CDK12: variants seen among roughly 807,000 people sequenced by gnomAD.
The protein encoded by CDK12 is cyclin-dependent kinase 12.
A neutral mutation model predicts 133.8 loss-of-function variants in CDK12; 17 were observed. That is an observed-to-expected ratio of 0.13 (90% CI 0.09 to 0.19). The LOEUF (loss-of-function observed/expected upper bound fraction) is 0.19, where lower values mean the gene tolerates loss of function less well. Ranked by LOEUF, CDK12 falls within the 10% of genes least tolerant of loss-of-function variation. The pLI is 1.00. For synonymous variants in CDK12, 694 were observed against 683.6 expected (o/e 1.02, Z -0.24); for missense variants, 1,508 against 1,818.7 (o/e 0.83, Z 3.11).
chr17:39,468,716 C>G (rs1233432324), intron 1 of CDK12, among the ~76,000 whole-genome samples: 7 of 152,026 alleles, frequency 4.6e-5, no homozygotes, highest in Non-Finnish European at 8.8e-5. Flanking sequence ...CTCAGGTAAT[C>G]CGCCTGCCTC....
chr17:39,481,280 A>T (rs931268646), intron 2 of CDK12, among the ~76,000 whole-genome samples: 4 of 151,382 alleles, frequency 2.6e-5, no homozygotes, highest in Non-Finnish European at 5.9e-5. Flanking sequence ...AAAAAAAAGA[A>T]ATTTCAGTTA....
downstream of CDK12, among the ~76,000 whole-genome samples, chr17:39,536,470 G>C (rs2055140624): frequency 6.6e-6 from 1 of 152,094 alleles, no homozygotes; most frequent in African/African-American, 2.4e-5. Context: ...AGATTATTTT[G>C]TACCCTGGCC....
At chr17:39,471,801 C>G in intron 2 of CDK12, 38 bp downstream of exon 2, 1 of 1,524,392 alleles carries the variant, frequency 6.6e-7, no homozygotes, top group Non-Finnish European at 8.9e-7. Context: ...CCCCCTTGAT[C>G]TAAACATAAA....
intron 6 of CDK12, among the ~76,000 whole-genome samples, chr17:39,508,591 G>T (rs2053281326): frequency 6.6e-6 from 1 of 151,990 alleles, no homozygotes; most frequent in African/African-American, 2.4e-5. Flanking sequence ...CTTAGGCGAT[G>T]GGTCAATAGG....
At chr17:39,555,240 G>A (rs1026206778) in intron 2 of CDK12, among the ~76,000 whole-genome samples, 2 of 152,172 alleles carry the variant, frequency 1.3e-5, no homozygotes, top group African/African-American at 4.8e-5. Context: ...GCAACAGAGC[G>A]AGACTCTGTC....
intron 5 of CDK12, 144 bp from the exon 6 acceptor site, chr17:39,501,106 G>T: frequency 3.7e-6 from 2 of 545,430 alleles, no homozygotes; most frequent in Non-Finnish European, 6.4e-6. Flanking sequence ...ACTACTCTTC[G>T]TTTCAGTTTC....
In CDK12 at chr17:39,495,389, T is replaced by G. The variant is rs1377856317; in HGVS notation, c.2419+695T>G. Among the ~76,000 whole-genome samples the G allele has an allele frequency of 3.1e-3, 421 of 135,770 alleles. 15 individuals carry two copies. Among genetic ancestry groups the G allele is most frequent in the African/African-American group, 9.5e-3 (357 of 37,526 alleles). The allele number at this position is 135,770 out of a possible 152,430, so 89.1% of individuals were successfully genotyped here. A position where few individuals can be genotyped will look rare whatever the true frequency, so the allele number is the denominator to read the frequency against. ...TACCATGACTGGCCTCATGTGTTTT[T>G]TTTTTTTTTTTTTTTTTTTTTTTTT... On this transcript the variant is annotated intron_variant, in intron 5 of 13. Coordinates refer to ENST00000447079, the MANE Select transcript of CDK12 (RefSeq NM_016507.4).
chr17:39,473,666 G>A (rs1298787015), intron 2 of CDK12, among the ~76,000 whole-genome samples: 2 of 152,062 alleles, frequency 1.3e-5, no homozygotes, highest in Admixed American at 6.6e-5. Context: ...CAAGGCGGGC[G>A]AATCATGAGG....
chr17:39,480,436 GT>G (rs778236035), intron 2 of CDK12, among the ~76,000 whole-genome samples: 4 of 150,168 alleles, frequency 2.7e-5, no homozygotes, highest in Admixed American at 6.7e-5. Flanking sequence ...TGCCCAGCTA[GT>G]TTTTTTTTTG....
intron 5 of CDK12, among the ~76,000 whole-genome samples, chr17:39,497,271 T>C (rs1439563509): frequency 6.6e-6 from 1 of 152,024 alleles, no homozygotes; most frequent in Non-Finnish European, 1.5e-5. Flanking sequence ...GGGCTAGGTG[T>C]GGTTGCTTAT....
intron 2 of CDK12, among the ~76,000 whole-genome samples, chr17:39,480,545 G>A (rs2050564920): frequency 6.6e-6 from 1 of 151,924 alleles, no homozygotes; most frequent in South Asian, 2.1e-4. Flanking sequence ...GGGTTCTAGC[G>A]ATCCACCTTC....
At chr17:39,564,294 G>A (rs1382157492) in intron 3 of CDK12, among the ~76,000 whole-genome samples, 2 of 152,142 alleles carry the variant, frequency 1.3e-5, no homozygotes, top group African/African-American at 4.8e-5. Context: ...GGGAGTCTAT[G>A]ATAGTGTGTG....
intron 8 of CDK12, among the ~76,000 whole-genome samples, chr17:39,513,580 C>T (rs781647448): frequency 6.6e-6 from 1 of 152,174 alleles, no homozygotes; most frequent in African/African-American, 2.4e-5. Flanking sequence ...TAGCTCTGTT[C>T]GGTACTATTA....
intron 8 of CDK12, among the ~76,000 whole-genome samples, chr17:39,513,851 A>G (rs2053635281): frequency 6.6e-6 from 1 of 152,198 alleles, no homozygotes; most frequent in Non-Finnish European, 1.5e-5. Flanking sequence ...GATTTTTTAT[A>G]GAGAATTGGT....
At chr17:39,544,311 C>A, upstream of CDK12, 1 of 490,118 alleles carries the variant, frequency 2.0e-6, no homozygotes, top group Non-Finnish European at 4.0e-6. Flanking sequence ...CACCTCTCAC[C>A]CAGAGCCTGG....
chr17:39,480,164 T>A (rs868044997), intron 2 of CDK12, among the ~76,000 whole-genome samples: 2 of 152,066 alleles, frequency 1.3e-5, no homozygotes, highest in Admixed American at 1.3e-4. Context: ...CTTCATGTGA[T>A]CCACTCATCT....
At chr17:39,497,441 G>A (rs2145987162) in intron 5 of CDK12, among the ~76,000 whole-genome samples, 1 of 151,910 alleles carries the variant, frequency 6.6e-6, no homozygotes, top group African/African-American at 2.4e-5. Flanking sequence ...TACTGGGAAG[G>A]CTGAGGCAGG....
In CDK12 at chr17:39,530,923, A is replaced by G; in HGVS notation, c.4080A>G (p.Pro1360=). The G allele has an allele frequency of 1.2e-6, 2 of 1,614,240 alleles. No homozygotes were observed. The highest frequency in any genetic ancestry group is 1.3e-5 in the African/African-American group (1 of 75,068). The change falls in exon 14 of 14, where the codon CCA becomes CCG. Residue 1360 remains proline, a synonymous_variant. Transcript: ENST00000447079. The part of the protein sequence containing the change: ...AIDTDERNSG[P]ALTESLVQTL... ...ACACTGATGAACGAAACTCTGGTCCAGCCTTGACAGAATCCTTGGTCCAGA... is the reference window on the plus strand; with the variant it reads ...ACACTGATGAACGAAACTCTGGTCCGGCCTTGACAGAATCCTTGGTCCAGA...
chr17:39,494,221 C>A (rs1228055053), intron 4 of CDK12, among the ~76,000 whole-genome samples: 2 of 151,904 alleles, frequency 1.3e-5, no homozygotes, highest in Non-Finnish European at 2.9e-5. Context: ...TTACAGGCAT[C>A]CACCACCACG....
Sources: gnomAD v4.1 joint callset for allele counts (sites outside exome capture counted in the v4.1 genomes callset) on GRCh38, gnomAD v4.1.1 for gene constraint, MANE v1.5 for transcripts, NCBI Gene and HGNC (gene_info 2026-07-23, HGNC 2026-07-21) for gene names.